WDR49: variants seen among roughly 807,000 people sequenced by gnomAD.
WDR49 encodes the protein WD repeat domain 49, also known as cilia- and flagella-associated protein 337.
A neutral mutation model predicts 119.5 loss-of-function variants in WDR49; 107 were observed. The ratio of observed to expected loss-of-function variants is 0.90; its 90% CI spans 0.77 to 1.05. The LOEUF (loss-of-function observed/expected upper bound fraction) is 1.05, where lower values mean the gene tolerates loss of function less well. Among genes scored for constraint, WDR49 ranks in the 50% least tolerant of loss-of-function variants. The pLI, the probability that WDR49 is intolerant of heterozygous loss-of-function variation, is 0.00. For missense variants in WDR49, 1,240 were observed against 1,220.5 expected (o/e 1.02, Z -0.24); for synonymous variants, 425 against 418.8 (o/e 1.01, Z -0.18).
intron 10 of WDR49, among the ~76,000 whole-genome samples, chr3:167,545,387 G>T (rs4505699): frequency 0.28 from 41,902 of 149,316 alleles, 6,023 homozygotes; most frequent in South Asian, 0.31. Context: ...GAAAAAGACA[G>T]ATGCACACGC....
chr3:167,609,481 C>T lies in WDR49; in HGVS notation c.959-5013G>A, dbSNP rs189508039. Among the ~76,000 whole-genome samples the T allele has an allele frequency of 2.9e-4, 44 of 152,202 alleles. No homozygotes were observed. The East Asian group carries it at 8.1e-3, about 28-fold the overall frequency. ...ACCTGGACCAAACTCAACTGGTGCC[C>T]GCCCACAGAGGGAACCTTAGCAGAG... On this transcript the variant is annotated intron_variant, in intron 5 of 18. Transcript: ENST00000682715.
rs149539568 is a variant in WDR49 at position 167,509,136 on chromosome 3, T to A, written c.2775-3720A>T. On this transcript the variant is annotated intron_variant, in intron 16 of 18. Coordinates refer to ENST00000682715, the MANE Select transcript of WDR49 (RefSeq NM_001366157.1). The stretch of plus-strand genomic sequence containing the variant: ...GAGTCTTTATACTTGTTTCTAATAA[T>A]GAATCCCTTCCAGATAAGCAATTTT... Among the ~76,000 whole-genome samples the A allele has an allele frequency of 6.3e-3, 964 of 152,302 alleles. 13 individuals carry two copies. Among genetic ancestry groups the A allele is most frequent in the African/African-American group, 0.022 (909 of 41,574 alleles).
intron 3 of WDR49, among the ~76,000 whole-genome samples, chr3:167,626,154 A>G (rs1717120283): frequency 6.6e-6 from 1 of 152,036 alleles, no homozygotes; most frequent in South Asian, 2.1e-4. Flanking sequence ...CATCTTTTAG[A>G]AATACAGAAA....
chr3:167,505,476 T>C (rs899258262), intron 16 of WDR49, 60 bp from the exon 17 acceptor site: 12 of 1,431,668 alleles, frequency 8.4e-6, no homozygotes, highest in Non-Finnish European at 1.1e-5. Flanking sequence ...AGAAACTCTT[T>C]CTGGCTATGT....
chr3:167,522,898 C>T (rs916647920), intron 15 of WDR49, among the ~76,000 whole-genome samples: 1 of 152,108 alleles, frequency 6.6e-6, no homozygotes, highest in Non-Finnish European at 1.5e-5. Flanking sequence ...TTTCAAAAGC[C>T]AATTCAGTTA....
At chr3:167,575,236 C>T (rs1345773509) in intron 8 of WDR49, 7 of 985,874 alleles carry the variant, frequency 7.1e-6, no homozygotes, top group Non-Finnish European at 8.4e-6. Context: ...CAGGCTGCCC[C>T]ACACTGAGCT....
chr3:167,647,980 T>C (rs1191641155), intron 2 of WDR49, among the ~76,000 whole-genome samples: 1 of 152,152 alleles, frequency 6.6e-6, no homozygotes, highest in Admixed American at 6.6e-5. Context: ...TGCATTTTGT[T>C]TAGGAAATCT....
intron 7 of WDR49, among the ~76,000 whole-genome samples, chr3:167,588,548 A>G (rs1016416148): frequency 6.6e-6 from 1 of 152,146 alleles, no homozygotes; most frequent in African/African-American, 2.4e-5. Context: ...ATTCCTACCA[A>G]CAATGCATGA....
intron 1 of WDR49, among the ~76,000 whole-genome samples, 163 bp from the exon 2 acceptor site, chr3:167,653,662 G>C (rs1718493460): frequency 6.6e-6 from 1 of 152,140 alleles, no homozygotes; most frequent in South Asian, 2.1e-4. Flanking sequence ...ATTTACAGTT[G>C]AATGCTTTTA....
chr3:167,502,982 T>A (rs1051220982), intron 17 of WDR49, among the ~76,000 whole-genome samples: 3 of 152,150 alleles, frequency 2.0e-5, no homozygotes, highest in Non-Finnish European at 4.4e-5. Flanking sequence ...AGAGCTAATA[T>A]CCAAGACAAC....
intron 7 of WDR49, among the ~76,000 whole-genome samples, chr3:167,593,547 G>A (rs1310436624): frequency 6.6e-6 from 1 of 151,874 alleles, no homozygotes; most frequent in African/African-American, 2.4e-5. Context: ...TCTCAACACA[G>A]CTATTTTGAA....
chr3:167,547,600 T>C (rs1055186124), intron 10 of WDR49, among the ~76,000 whole-genome samples: 2 of 150,860 alleles, frequency 1.3e-5, no homozygotes, highest in African/African-American at 4.9e-5. Context: ...AAACAACAGA[T>C]ACTGAAATTG....
chr3:167,654,666 C>T (rs568616741), upstream of WDR49, among the ~76,000 whole-genome samples: 1 of 152,188 alleles, frequency 6.6e-6, no homozygotes, highest in Admixed American at 6.5e-5. Flanking sequence ...GAGGCTGAGG[C>T]AGGTGGATGG....
chr3:167,656,237 TTTAAGCCCTAA>T (rs752973492), upstream of WDR49, among the ~76,000 whole-genome samples: 14 of 152,220 alleles, frequency 9.2e-5, no homozygotes, highest in Non-Finnish European at 1.9e-4. Context: ...GGAAAACATT[TTTAAGCCCTAA>T]TACTACAAGT....
In WDR49 at chr3:167,500,078, C is replaced by A. The variant is rs1199184191; in HGVS notation, c.3031+75G>T. 3.5e-6 allele frequency: 5 copies of A among 1,408,570 alleles called. No individual in the cohort carries two copies. The African/African-American group carries it at 6.0e-5, about 17-fold the overall frequency. The allele number at this position is 1,408,570 out of a possible 1,614,324, so 87.3% of individuals were successfully genotyped here. A position where few individuals can be genotyped will look rare whatever the true frequency, so the allele number is the denominator to read the frequency against. ...AAGACAAACACTTGTTATTTTCATG[C>A]TCTTCTACTCTATTTTTAAATGACT... On this transcript the variant is annotated intron_variant, in intron 18 of 18. Transcript: ENST00000682715.
At chr3:167,509,547 A>G (rs1751887900) in intron 16 of WDR49, among the ~76,000 whole-genome samples, 1 of 152,224 alleles carries the variant, frequency 6.6e-6, no homozygotes, top group South Asian at 2.1e-4. Context: ...TTAAGACAGC[A>G]ATAACAACCA....
At chr3:167,635,377 T>C (rs1288089603) in intron 2 of WDR49, among the ~76,000 whole-genome samples, 1 of 151,806 alleles carries the variant, frequency 6.6e-6, no homozygotes, top group Non-Finnish European at 1.5e-5. Flanking sequence ...GATTGGTTGC[T>C]AAAGTATAGT....
At chr3:167,539,781 TATA>T (rs926848213) in intron 10 of WDR49, among the ~76,000 whole-genome samples, 2 of 152,200 alleles carry the variant, frequency 1.3e-5, no homozygotes, top group African/African-American at 4.8e-5. Context: ...TTTCATTTTT[TATA>T]ACACTTACTA....
At chr3:167,513,632 G>A (rs931458347) in intron 16 of WDR49, among the ~76,000 whole-genome samples, 3 of 151,960 alleles carry the variant, frequency 2.0e-5, no homozygotes, top group African/African-American at 7.3e-5. Flanking sequence ...AATATAAATG[G>A]GCTAAATACC....
Sources: gnomAD v4.1 joint callset for allele counts (sites outside exome capture counted in the v4.1 genomes callset) on GRCh38, gnomAD v4.1.1 for gene constraint, MANE v1.5 for transcripts, NCBI Gene and HGNC (gene_info 2026-07-23, HGNC 2026-07-21) for gene names.